Variants in COG3 observed in about 807,000 individuals in gnomAD.
COG3 encodes conserved oligomeric Golgi complex subunit 3.
A neutral mutation model predicts 114.1 loss-of-function variants in COG3; 32 were observed. The observed-to-expected ratio is 0.28, with a 90% CI of 0.21 to 0.38. COG3 has a LOEUF of 0.38. Ranked by LOEUF, COG3 falls within the 10% of genes least tolerant of loss-of-function variation. The probability of loss-of-function intolerance (pLI) is 1.00; values close to 1 mark genes in which losing one functional copy is unlikely to be tolerated. For synonymous variants in COG3, 352 were observed against 365.7 expected (o/e 0.96, Z 0.43); for missense variants, 813 against 973.2 (o/e 0.84, Z 2.19).
At chr13:45,514,988 T>C (rs531721554) in intron 16 of COG3, among the ~76,000 whole-genome samples, 1 of 152,300 alleles carries the variant, frequency 6.6e-6, no homozygotes, top group Admixed American at 6.5e-5. Flanking sequence ...TCAGTGAAAA[T>C]GGATTAATGT....
At position 45,507,092 on chromosome 13, in the gene COG3, G is replaced by A. The variant is rs145241074; in HGVS notation, c.1595-2600G>A. 4.9e-4 allele frequency among the ~76,000 whole-genome samples: 75 copies of A among 152,230 alleles called. No individual in the cohort carries two copies. In the East Asian group the frequency reaches 8.1e-3, roughly 16 times the overall value. On this transcript the variant is annotated intron_variant, in intron 14 of 22. Transcript: ENST00000349995. ...CACTTGGCTTTTGAGGGTTTGCCCC[G>A]GTGAACTAGTATTAGTTACATAGGA... is the stretch of plus-strand genomic sequence containing the variant.
intron 8 of COG3, among the ~76,000 whole-genome samples, chr13:45,489,247 A>G (rs1886866995): frequency 9.3e-6 from 1 of 107,582 alleles, no homozygotes; most frequent in South Asian, 3.5e-4. Flanking sequence ...TTTTTGACAA[A>G]GTGAGACCCA....
chr13:45,500,025 A>T (rs3014954), intron 13 of COG3, among the ~76,000 whole-genome samples: 110,055 of 139,306 alleles, frequency 0.79, 41,719 homozygotes, highest in Admixed American at 0.85. Flanking sequence ...CTTAAAAAAA[A>T]ATATATATAT....
At chr13:45,474,157 T>C (rs1294837496) in intron 1 of COG3, among the ~76,000 whole-genome samples, 3 of 16,728 alleles carry the variant, frequency 1.8e-4, no homozygotes, top group African/African-American at 2.9e-4. Flanking sequence ...TACTCTTTTT[T>C]TTTTTTTTTT....
At chr13:45,505,484 G>A (rs1055059941) in intron 14 of COG3, among the ~76,000 whole-genome samples, 8 of 151,882 alleles carry the variant, frequency 5.3e-5, no homozygotes, top group Non-Finnish European at 1.2e-4. Context: ...GTATTTTTTA[G>A]TAGAGATGGG....
intron 17 of COG3, among the ~76,000 whole-genome samples, chr13:45,518,185 C>G (rs1251667431): frequency 6.6e-6 from 1 of 152,214 alleles, no homozygotes; most frequent in Non-Finnish European, 1.5e-5. Context: ...TTTTCTTACT[C>G]ACTTAATAAT....
chr13:45,482,928 C>T (rs1886342069), intron 6 of COG3, among the ~76,000 whole-genome samples: 1 of 152,182 alleles, frequency 6.6e-6, no homozygotes, highest in Non-Finnish European at 1.5e-5. Flanking sequence ...TTTCCCCTAA[C>T]TCCTATTCTT....
intron 19 of COG3, among the ~76,000 whole-genome samples, chr13:45,522,175 TG>T (rs1343008443): frequency 6.6e-6 from 1 of 152,144 alleles, no homozygotes; most frequent in Non-Finnish European, 1.5e-5. Flanking sequence ...TAGGTACAGA[TG>T]GGAAAGTCTT....
At chr13:45,506,996 G>A (rs961806866) in intron 14 of COG3, among the ~76,000 whole-genome samples, 2 of 152,222 alleles carry the variant, frequency 1.3e-5, no homozygotes, top group Admixed American at 1.3e-4. Flanking sequence ...GGAGGCAGAC[G>A]TGCAGGAGGG....
At chr13:45,465,286 C>G (rs991700953) in intron 1 of COG3, 76 bp downstream of exon 1, 15 of 1,548,366 alleles carry the variant, frequency 9.7e-6, no homozygotes, top group Admixed American at 1.9e-5. Context: ...GGACCCCGGC[C>G]TCACTAGCCT....
At chr13:45,492,452 A>G (rs1025146962) in intron 11 of COG3, among the ~76,000 whole-genome samples, 1 of 152,134 alleles carries the variant, frequency 6.6e-6, no homozygotes, top group African/African-American at 2.4e-5. Context: ...ATGCTTTTGT[A>G]TTGTTTGTAA....
At chr13:45,489,119 C>G (rs757200814) in intron 8 of COG3, among the ~76,000 whole-genome samples, 5 of 128,866 alleles carry the variant, frequency 3.9e-5, no homozygotes, top group South Asian at 2.5e-4. Context: ...CCCAGGAAGT[C>G]AAGGATGCAG....
Position 45,473,727 on chromosome 13 carries a change from G to A in COG3, c.175-2474G>A, listed in dbSNP as rs1009171402. Among the ~76,000 whole-genome samples, 5 of 152,252 alleles carry A rather than the reference G, an allele frequency of 3.3e-5. 1 individual carries two copies. The South Asian group carries it at 1.0e-3, about 32-fold the overall frequency. ...AGCATTGCTTCAGGTGGGTTATCTTGAGTCTTGGGTGGCTCCCCAAGGAGA... is the reference window on the plus strand; with the variant it reads ...AGCATTGCTTCAGGTGGGTTATCTTAAGTCTTGGGTGGCTCCCCAAGGAGA... On this transcript the variant is annotated intron_variant, in intron 1 of 22. Transcript: ENST00000349995.
intron 14 of COG3, among the ~76,000 whole-genome samples, chr13:45,504,927 C>T (rs1461855512): frequency 6.6e-6 from 1 of 152,114 alleles, no homozygotes; most frequent in Non-Finnish European, 1.5e-5. Flanking sequence ...TGGGTCACGC[C>T]TGTAATCCTA....
chr13:45,496,342 G>A, intron 13 of COG3, 30 bp downstream of exon 13: 4 of 1,467,160 alleles, frequency 2.7e-6, no homozygotes, highest in Non-Finnish European at 3.6e-6. Flanking sequence ...TCTCCCGTCT[G>A]CCCCCACACA....
intron 13 of COG3, among the ~76,000 whole-genome samples, chr13:45,496,526 T>A (rs1868797742): frequency 1.3e-5 from 2 of 151,572 alleles, no homozygotes; most frequent in Non-Finnish European, 2.9e-5. Flanking sequence ...GCCTAGATGT[T>A]TTTTACTAGT....
At chr13:45,513,811 T>C (rs1050422107) in intron 16 of COG3, among the ~76,000 whole-genome samples, 1 of 151,876 alleles carries the variant, frequency 6.6e-6, no homozygotes, top group African/African-American at 2.4e-5. Flanking sequence ...ATGTCTAATG[T>C]TAAGGAAATG....
At chr13:45,490,894 G>T (rs1374459869) in intron 8 of COG3, 21 bp from the exon 9 acceptor site, 2 of 1,506,150 alleles carry the variant, frequency 1.3e-6, no homozygotes, top group Non-Finnish European at 9.1e-7. Flanking sequence ...GTTTTTTGAT[G>T]CATTTTTTCT....
intron 10 of COG3, 103 bp from the exon 11 acceptor site, chr13:45,492,056 T>C: frequency 1.6e-6 from 1 of 634,774 alleles, no homozygotes; most frequent in Non-Finnish European, 2.7e-6. Context: ...GTTTTAAGAG[T>C]GTGTATGTGT....
Sources: gnomAD v4.1 joint callset for allele counts (sites outside exome capture counted in the v4.1 genomes callset) on GRCh38, gnomAD v4.1.1 for gene constraint, MANE v1.5 for transcripts, NCBI Gene and HGNC (gene_info 2026-07-23, HGNC 2026-07-21) for gene names.